AMBRA1: variants seen among roughly 807,000 people sequenced by gnomAD.
AMBRA1 encodes autophagy and beclin 1 regulator 1, also known as activating molecule in BECN1-regulated autophagy protein 1.
In AMBRA1, 47 loss-of-function variants were observed where a neutral mutation model predicts 125.4. The observed-to-expected ratio is 0.37, with a 90% confidence interval of 0.30 to 0.48. The LOEUF (loss-of-function observed/expected upper bound fraction) is 0.48, where lower values mean the gene tolerates loss of function less well. AMBRA1 is among the 20% of genes least tolerant of loss of function. AMBRA1 has a pLI of 0.99. For missense variants in AMBRA1, 1,331 were observed against 1,693.4 expected, an observed-to-expected ratio of 0.79 and a Z score of 3.76; for synonymous variants, 626 against 655.5, an observed-to-expected ratio of 0.95 and a Z score of 0.69.
intron 7 of AMBRA1, among the ~76,000 whole-genome samples, chr11:46,531,333 G>T (rs1952208541): frequency 6.6e-6 from 1 of 152,206 alleles, no homozygotes; most frequent in Admixed American, 6.5e-5. Context: ...TGATATAGAG[G>T]GTAGGGCAGG....
At chr11:46,548,640 A>T in intron 1 of AMBRA1, 140 bp from the exon 2 acceptor site, 1 of 445,090 alleles carries the variant, frequency 2.2e-6, no homozygotes, top group Non-Finnish European at 4.0e-6. Flanking sequence ...TCCTCCCAGA[A>T]TTTTTCTTCC....
At chr11:46,559,103 C>G (rs1031517146) in intron 1 of AMBRA1, among the ~76,000 whole-genome samples, 1 of 152,030 alleles carries the variant, frequency 6.6e-6, no homozygotes, top group African/African-American at 2.4e-5. Context: ...AGTTCGAGAC[C>G]AGCCTGGCCA....
chr11:46,573,148 T>C (rs1444722133), intron 1 of AMBRA1, among the ~76,000 whole-genome samples: 1 of 151,094 alleles, frequency 6.6e-6, no homozygotes, highest in Non-Finnish European at 1.5e-5. Flanking sequence ...CTCATGCCTG[T>C]AATCCTAGCA....
rs149624973 is a variant in AMBRA1 at position 46,397,712 on chromosome 11, C to A, written c.3635G>T (p.Arg1212Leu). 4 of 1,613,176 alleles carry A rather than the reference C, an allele frequency of 2.5e-6. No homozygotes were observed. The South Asian group carries it at 3.3e-5, about 13-fold the overall frequency. The change falls in exon 18 of 18, where the codon CGG (arginine) becomes CTG (leucine). Residue 1212 changes from arginine (R) to leucine (L), a missense_variant. Arg to Leu is a moderately radical substitution (Grantham distance 102). This residue lies in a region of AMBRA1 where 144 missense variants were observed against 133.9 expected (regional missense o/e 1.08). Coordinates refer to ENST00000683756, the MANE Select transcript of AMBRA1 (RefSeq NM_001387011.1). ...HTSSPQPSTS[R>L]GLLPEAGQLA... ...TTGCCCGGCCTCTGGGAGCAGTCCC[C>A]GAGAGGTGGAGGGCTGGGGTGAGGA... is the stretch of plus-strand genomic sequence containing the variant.
chr11:46,470,860 G>A (rs1271695855), intron 11 of AMBRA1, among the ~76,000 whole-genome samples: 1 of 152,146 alleles, frequency 6.6e-6, no homozygotes, highest in East Asian at 1.9e-4. Flanking sequence ...CTACATGCCA[G>A]ACAATGAATA....
chr11:46,539,935 G>A (rs920662627), intron 7 of AMBRA1, among the ~76,000 whole-genome samples: 9 of 152,016 alleles, frequency 5.9e-5, no homozygotes, highest in Non-Finnish European at 1.0e-4. Flanking sequence ...GGGTTCAAGC[G>A]ATTCTCCTGC....
intron 8 of AMBRA1, among the ~76,000 whole-genome samples, chr11:46,509,138 G>GT (rs1951169089): frequency 6.6e-6 from 1 of 152,224 alleles, no homozygotes; most frequent in Admixed American, 6.5e-5. Flanking sequence ...GAAGGTGAGA[G>GT]TTGTTCCTCT....
intron 14 of AMBRA1, among the ~76,000 whole-genome samples, chr11:46,433,063 T>TA (rs1424558753): frequency 6.6e-6 from 1 of 152,202 alleles, no homozygotes; most frequent in African/African-American, 2.4e-5. Context: ...ATCATAATTA[T>TA]AACCCACAGA....
intron 1 of AMBRA1, among the ~76,000 whole-genome samples, chr11:46,561,513 T>A (rs1039651590): frequency 2.0e-5 from 3 of 152,160 alleles, no homozygotes; most frequent in Non-Finnish European, 4.4e-5. Context: ...TGGAAGAGGT[T>A]AAGAAATTCA....
intron 1 of AMBRA1, among the ~76,000 whole-genome samples, chr11:46,568,772 C>CA (rs199607275): frequency 0.28 from 25,821 of 92,164 alleles, 3,982 homozygotes; most frequent in African/African-American, 0.49. Context: ...AACTCCATCT[C>CA]AAAAAAAAAA....
chr11:46,552,665 C>T (rs1418385179), intron 1 of AMBRA1, among the ~76,000 whole-genome samples: 3 of 137,862 alleles, frequency 2.2e-5, no homozygotes, highest in Non-Finnish European at 4.6e-5. Flanking sequence ...GGCAACAGAG[C>T]GAGATTCTGT....
chr11:46,579,045 T>TAAA lies in AMBRA1; in HGVS notation c.-121+14780_-121+14782dup, dbSNP rs11393945. On this transcript the variant is annotated intron_variant, in intron 1 of 17. Transcript: ENST00000683756. Reference sequence around the variant, plus strand: ...AGCAACAATGACCACAAGAAAGCAATAAAAAAAAAAAAAAAAAAAAGATAA... The same window carrying TAAA: ...AGCAACAATGACCACAAGAAAGCAATAAAAAAAAAAAAAAAAAAAAAAAGATAA... Among the ~76,000 whole-genome samples, 92 of 68,022 alleles carry TAAA rather than the reference T, an allele frequency of 1.4e-3. 2 individuals are homozygous for TAAA. The highest frequency in any genetic ancestry group is 4.6e-3 in the African/African-American group (86 of 18,682). The allele number at this position is 68,022 out of a possible 152,430, so 44.6% of individuals were successfully genotyped here. A position where few individuals can be genotyped will look rare whatever the true frequency, so the allele number is the denominator to read the frequency against.
chr11:46,543,121 G>A lies in AMBRA1; in HGVS notation c.896C>T (p.Ala299Val). The A allele has an allele frequency of 1.9e-6, 3 of 1,573,688 alleles. No homozygotes were observed. Among genetic ancestry groups the A allele is most frequent in the East Asian group, 2.3e-5 (1 of 43,094 alleles). Residue 299 changes from alanine to valine, a missense_variant, in exon 7 of 18, where the codon GCT becomes GTT. By Grantham distance (64) the Ala-to-Val change is moderately conservative. This residue lies in a region of AMBRA1 where 689 missense variants were observed against 776.5 expected (regional missense o/e 0.89). Transcript: ENST00000683756. ...RLRQRVSYPTAECCQHLGILC... is the reference protein window; with the variant it reads ...RLRQRVSYPTVECCQHLGILC... ...GATCCCAAGGTGCTGGCAGCACTCA[G>A]CTGTGGGGTAACTGACCCGCTGTCG...
chr11:46,587,677 C>T lies in AMBRA1; in HGVS notation c.-121+6151G>A, dbSNP rs534114333. Among the ~76,000 whole-genome samples, 4 of 152,234 alleles carry T rather than the reference C, an allele frequency of 2.6e-5. No individual in the cohort carries two copies. In the East Asian group the frequency reaches 7.7e-4, roughly 29 times the overall value. ...TCACTCCTTCTTCCCTCTGTCAGCC[C>T]TTGTTTATTTCCTTCAGAATACTTG... On this transcript the variant is annotated intron_variant, in intron 1 of 17. Transcript: ENST00000683756.
intron 11 of AMBRA1, among the ~76,000 whole-genome samples, chr11:46,468,480 T>C (rs977565214): frequency 1.3e-5 from 2 of 151,802 alleles, no homozygotes; most frequent in Admixed American, 1.3e-4. Flanking sequence ...AGCCTCCTAG[T>C]AGCACAAGCA....
At chr11:46,539,888 G>A (rs1952650839) in intron 7 of AMBRA1, among the ~76,000 whole-genome samples, 1 of 152,064 alleles carries the variant, frequency 6.6e-6, no homozygotes, top group African/African-American at 2.4e-5. Context: ...CTGGAGTGCA[G>A]TGGCGTGATC....
intron 17 of AMBRA1, among the ~76,000 whole-genome samples, chr11:46,404,816 C>T (rs560050536): frequency 8.6e-4 from 131 of 152,322 alleles, no homozygotes; most frequent in African/African-American, 3.1e-3. Context: ...CCCATCCCCC[C>T]AAAAGAATGA....
intron 7 of AMBRA1, among the ~76,000 whole-genome samples, chr11:46,516,766 C>T (rs1186040875): frequency 6.6e-6 from 1 of 152,004 alleles, no homozygotes; most frequent in Non-Finnish European, 1.5e-5. Context: ...TAGCCTGTTA[C>T]AGACAGCTGT....
intron 1 of AMBRA1, among the ~76,000 whole-genome samples, chr11:46,584,552 AAAAC>A (rs1159870684): frequency 6.6e-6 from 1 of 152,000 alleles, no homozygotes; most frequent in Non-Finnish European, 1.5e-5. Flanking sequence ...AAAAACAAAA[AAAAC>A]AAATGAATGA....
Sources: allele counts gnomAD v4.1 joint callset (sites outside exome capture counted in the v4.1 genomes callset), GRCh38; gene constraint gnomAD v4.1.1; regional missense constraint gnomAD v4.1.1; transcripts MANE v1.5; gene names NCBI Gene and HGNC (gene_info 2026-07-23, HGNC 2026-07-21).